Variants in CSMD1 observed in about 807,000 individuals in gnomAD.
The protein encoded by CSMD1 is CUB and sushi domain-containing protein 1.
In CSMD1, 213 loss-of-function variants were observed where a neutral mutation model predicts 417.5. The ratio of observed to expected loss-of-function variants is 0.51; its 90% CI spans 0.46 to 0.57. The LOEUF is 0.57. Ranked by LOEUF, CSMD1 falls within the 20% of genes least tolerant of loss-of-function variation. The pLI is 0.00. For synonymous variants in CSMD1, 2,862 were observed against 1,736.8 expected, an observed-to-expected ratio of 1.65 and a Z score of -16.11; for missense variants, 6,923 against 4,529.7, an observed-to-expected ratio of 1.53 and a Z score of -15.17.
intron 9 of CSMD1, among the ~76,000 whole-genome samples, chr8:3,579,803 G>A (rs1225948791): frequency 6.6e-6 from 1 of 152,146 alleles, no homozygotes. Flanking sequence ...TTTACTACAT[G>A]GCCTGACATA....
At chr8:3,458,608 C>T (rs1315814509) in intron 12 of CSMD1, among the ~76,000 whole-genome samples, 9 of 152,140 alleles carry the variant, frequency 5.9e-5, no homozygotes, top group East Asian at 1.9e-4. Context: ...ATTCGTCTTG[C>T]GTTAAGACAA....
intron 3 of CSMD1, among the ~76,000 whole-genome samples, chr8:4,295,189 T>TACGCA (rs1797596126): frequency 1.6e-5 from 1 of 61,622 alleles, no homozygotes; most frequent in Admixed American, 1.8e-4. Flanking sequence ...ATCTTAAGAT[T>TACGCA]ATGCACATAT....
chr8:3,733,349 TTA>T, intron 6 of CSMD1, among the ~76,000 whole-genome samples: 1 of 147,736 alleles, frequency 6.8e-6, no homozygotes, highest in South Asian at 2.1e-4. Flanking sequence ...GACATATATA[TTA>T]TATATATAAT....
intron 1 of CSMD1, among the ~76,000 whole-genome samples, chr8:4,937,803 C>G (rs1016875668): frequency 5.3e-5 from 8 of 152,056 alleles, no homozygotes; most frequent in African/African-American, 1.9e-4. Flanking sequence ...CACACACACA[C>G]ACAACTACAA....
intron 2 of CSMD1, among the ~76,000 whole-genome samples, chr8:4,630,232 A>G (rs1302512315): frequency 1.3e-5 from 2 of 151,508 alleles, no homozygotes; most frequent in African/African-American, 4.9e-5. Context: ...TAGTCATTTT[A>G]TCCTTTTTCT....
intron 5 of CSMD1, among the ~76,000 whole-genome samples, chr8:3,832,085 G>C (rs144414296): frequency 1.3e-5 from 2 of 152,248 alleles, no homozygotes; most frequent in East Asian, 1.9e-4. Context: ...GGTATCTCAT[G>C]TGTGGAATCC....
intron 1 of CSMD1, among the ~76,000 whole-genome samples, chr8:4,835,519 T>C (rs1187599988): frequency 6.6e-6 from 1 of 152,124 alleles, no homozygotes; most frequent in Non-Finnish European, 1.5e-5. Flanking sequence ...GGTACGCAAA[T>C]CCAGTGGACA....
chr8:4,651,062 T>C (rs1803861579), intron 1 of CSMD1, among the ~76,000 whole-genome samples: 1 of 152,194 alleles, frequency 6.6e-6, no homozygotes, highest in African/African-American at 2.4e-5. Context: ...TCAAAACTTT[T>C]AGATCTAGTG....
chr8:4,305,434 A>T (rs1293170229), intron 3 of CSMD1, among the ~76,000 whole-genome samples: 1 of 152,170 alleles, frequency 6.6e-6, no homozygotes, highest in Non-Finnish European at 1.5e-5. Flanking sequence ...TAATCGACTA[A>T]AAGTAAGGTA....
chr8:4,963,093 C>A (rs17071930), intron 1 of CSMD1, among the ~76,000 whole-genome samples: 4 of 152,132 alleles, frequency 2.6e-5, no homozygotes, highest in African/African-American at 4.8e-5. Flanking sequence ...TCCAGGCCTC[C>A]GCAAGAATAT....
At chr8:4,508,465 A>G (rs901701154) in intron 2 of CSMD1, among the ~76,000 whole-genome samples, 1 of 152,220 alleles carries the variant, frequency 6.6e-6, no homozygotes, top group Non-Finnish European at 1.5e-5. Context: ...TAAGAATTTT[A>G]TTCCAGAATT....
chr8:4,421,809 A>T (rs1045769790), intron 2 of CSMD1, among the ~76,000 whole-genome samples: 2 of 151,848 alleles, frequency 1.3e-5, no homozygotes, highest in Non-Finnish European at 2.9e-5. Flanking sequence ...GCAAACAGAA[A>T]GCAAAAAACA....
intron 2 of CSMD1, among the ~76,000 whole-genome samples, chr8:4,489,716 C>G (rs1801602222): frequency 6.6e-6 from 1 of 152,196 alleles, no homozygotes; most frequent in Admixed American, 6.5e-5. Flanking sequence ...CCTCCCTGCT[C>G]ACACCCTGGC....
chr8:2,958,133 C>A (rs1034478372), intron 62 of CSMD1, among the ~76,000 whole-genome samples: 1 of 151,954 alleles, frequency 6.6e-6, no homozygotes, highest in Non-Finnish European at 1.5e-5. Context: ...TTTTTTCCTG[C>A]CACTCACATT....
At chr8:4,124,263 C>T (rs533542827) in intron 3 of CSMD1, among the ~76,000 whole-genome samples, 3 of 152,240 alleles carry the variant, frequency 2.0e-5, no homozygotes, top group Middle Eastern at 6.8e-3. Flanking sequence ...ACAGTAAGCA[C>T]TGACTGGCAA....
chr8:4,280,518 A>G (rs997894902), intron 3 of CSMD1, among the ~76,000 whole-genome samples: 2 of 152,206 alleles, frequency 1.3e-5, no homozygotes, highest in African/African-American at 4.8e-5. Flanking sequence ...ATATACAAGC[A>G]AATTGTTTAC....
intron 3 of CSMD1, among the ~76,000 whole-genome samples, chr8:4,326,841 G>T (rs563273048): frequency 6.7e-6 from 1 of 150,214 alleles, no homozygotes; most frequent in Non-Finnish European, 1.5e-5. Context: ...GAAAAAAAAA[G>T]GTCACAGGTG....
intron 5 of CSMD1, among the ~76,000 whole-genome samples, chr8:3,919,982 A>C (rs1214871698): frequency 1.3e-5 from 2 of 151,032 alleles, no homozygotes; most frequent in Non-Finnish European, 3.0e-5. Flanking sequence ...GTAATCTGTG[A>C]ATATACCAAA....
At position 4,246,893 on chromosome 8, in the gene CSMD1, C is replaced by T. The variant is rs535355105; in HGVS notation, c.415+173060G>A. On this transcript the variant is annotated intron_variant, in intron 3 of 69. Transcript: ENST00000635120. ...AAAGTGACTTTTTAAACACTTTTTC[C>T]GTGCATAAATGTTTCTTCAAAAAAT... Among the ~76,000 whole-genome samples the T allele has an allele frequency of 5.9e-4, 90 of 152,122 alleles. 1 individual carries two copies. The highest frequency in any genetic ancestry group is 2.1e-3 in the African/African-American group (86 of 41,514).
Sources: gnomAD v4.1 joint callset for allele counts (sites outside exome capture counted in the v4.1 genomes callset) on GRCh38, gnomAD v4.1.1 for gene constraint, MANE v1.5 for transcripts, NCBI Gene and HGNC (gene_info 2026-07-23, HGNC 2026-07-21) for gene names.